VPS13C: variants seen among roughly 807,000 people sequenced by gnomAD.
VPS13C encodes vacuolar protein sorting 13 homolog C.
Under a neutral mutation model 456.8 loss-of-function variants are expected in VPS13C, and 358 were observed. That is an observed-to-expected ratio of 0.78 (90% CI 0.72 to 0.86). VPS13C has a LOEUF of 0.86. VPS13C is among the 40% of genes least tolerant of loss of function. VPS13C has a pLI of 0.00. For missense variants in VPS13C, 4,818 were observed against 4,385.4 expected (o/e 1.10, Z -2.79); for synonymous variants, 1,578 against 1,486.7 (o/e 1.06, Z -1.41).
chr15:61,879,429 T>G (rs1476456992), intron 73 of VPS13C: 2 of 152,086 alleles, frequency 1.3e-5, no homozygotes, highest in East Asian at 1.9e-4. Context: ...AGTTTTTTCT[T>G]TCATGTGACC....
intron 35 of VPS13C, 118 bp from the exon 36 acceptor site, chr15:61,959,713 G>C (rs1400064848): frequency 2.1e-6 from 2 of 974,180 alleles, no homozygotes; most frequent in Admixed American, 5.8e-5. Context: ...AAACAGTGTG[G>C]CTTGAGTATT....
chr15:61,866,408 T>A (rs1011244720), intron 81 of VPS13C: 1 of 983,512 alleles, frequency 1.0e-6, no homozygotes, highest in Admixed American at 6.2e-5. Context: ...AAGGAAAAAA[T>A]TAATAACAGA....
Position 61,917,617 on chromosome 15 carries a change from C to T in VPS13C, c.7779G>A (p.Gln2593=). 6.2e-7 allele frequency: 1 copy of T among 1,610,832 alleles called. No homozygotes were observed. Among genetic ancestry groups the T allele is most frequent in the African/African-American group, 1.3e-5 (1 of 74,986 alleles). ...ACTGATGCTCTAAGATTCCAGCTGG[C>T]TGGATAAACAATTGACATCTGCAGA... The part of the protein sequence containing the change: ...LDSYRCQLFI[Q]PAGILEHQYK... Residue 2593 remains glutamine (Q), a synonymous_variant, in exon 60 of 85, where the codon CAG becomes CAA. Transcript: ENST00000644861.
Position 62,044,241 on chromosome 15 carries a change from C to T in VPS13C, c.115G>A (p.Asp39Asn), listed in dbSNP as rs754108368. The T allele has an allele frequency of 2.0e-6, 3 of 1,478,310 alleles. No homozygotes were observed. Among genetic ancestry groups the T allele is most frequent in the Non-Finnish European group, 2.8e-6 (3 of 1,076,280 alleles). 91.6% of individuals were successfully genotyped at this position (1,478,310 alleles called of 1,614,324 possible). ...GCATTTTCTTTTATCTGTAGATTATCTAAAGCCACATTTCCTTTAAAAAAA... is the reference window on the plus strand; with the variant it reads ...GCATTTTCTTTTATCTGTAGATTATTTAAAGCCACATTTCCTTTAAAAAAA... ...LGIWGGNVAL[D>N]NLQIKENALS... The change falls in exon 2 of 85, where the codon GAT becomes AAT. Residue 39 changes from aspartate to asparagine, a missense_variant. Transcript: ENST00000644861.
At chr15:61,974,520 C>T in intron 24 of VPS13C, 103 bp from the exon 25 acceptor site, 3 of 1,278,238 alleles carry the variant, frequency 2.3e-6, no homozygotes, top group African/African-American at 1.5e-5. Context: ...AAACTTTTGA[C>T]ATGTTTTAAT....
chr15:62,055,254 G>A (rs1382132672), intron 1 of VPS13C, among the ~76,000 whole-genome samples: 1 of 151,600 alleles, frequency 6.6e-6, no homozygotes, highest in Non-Finnish European at 1.5e-5. Flanking sequence ...TGAGACGGGA[G>A]TCTCGCTCTG....
intron 15 of VPS13C, among the ~76,000 whole-genome samples, chr15:62,004,876 A>G (rs1233916749): frequency 5.9e-5 from 9 of 152,256 alleles, no homozygotes; most frequent in East Asian, 3.9e-4. Context: ...TTGCCCTGTG[A>G]TCTGAGAGAT....
Position 61,945,873 on chromosome 15 carries a change from T to C in VPS13C, c.4990A>G (p.Ile1664Val), listed in dbSNP as rs546407133. The change falls in exon 45 of 85, where the codon ATT becomes GTT. Residue 1664 changes from isoleucine to valine, a missense_variant. By Grantham distance (29) the Ile-to-Val change is conservative. Transcript: ENST00000644861. ...AACCTAAAGACTTCATCTCCCAAAA[T>C]AGAGACAGCCTAAAAGTATTAGATT... ...LQSIHKKAVS[I>V]LGDEVFRFQL... 4.4e-5 allele frequency: 70 copies of C among 1,606,454 alleles called. No individual in the cohort carries two copies. In the East Asian group the frequency reaches 1.3e-3, roughly 30 times the overall value.
chr15:62,040,187 AG>A (rs1316602755), intron 3 of VPS13C, among the ~76,000 whole-genome samples: 1 of 152,196 alleles, frequency 6.6e-6, no homozygotes, highest in Non-Finnish European at 1.5e-5. Context: ...GACAGAGAGT[AG>A]AACAATGGTT....
At chr15:61,860,569 A>G (rs1040147784) in intron 82 of VPS13C, among the ~76,000 whole-genome samples, 2 of 152,224 alleles carry the variant, frequency 1.3e-5, no homozygotes, top group Admixed American at 6.5e-5. Context: ...TCCAATAGTG[A>G]GGGAGTATTT....
In VPS13C at chr15:61,867,844, T is replaced by C; in HGVS notation, c.10863+815A>G. On this transcript the variant is annotated intron_variant, in intron 81 of 84. Coordinates refer to ENST00000644861, the MANE Select transcript of VPS13C (RefSeq NM_020821.3). This position sits in a 1 kb window ranked among gnomAD's most constrained non-coding sequence, Gnocchi z 5.0. The stretch of plus-strand genomic sequence containing the variant: ...AAGAAAATTTCATTAAAATTGACAA[T>C]GGAATTCACACACAGTCAATTAACA... The C allele has an allele frequency of 6.4e-7, 1 of 1,560,046 alleles. No individual in the cohort carries two copies. The highest frequency in any genetic ancestry group is 2.0e-5 in the Admixed American group (1 of 49,162).
At chr15:61,909,597 A>G (rs2043244135) in intron 64 of VPS13C, among the ~76,000 whole-genome samples, 1 of 152,242 alleles carries the variant, frequency 6.6e-6, no homozygotes, top group Non-Finnish European at 1.5e-5. Context: ...AGCACCTTCA[A>G]ATAATTACCA....
chr15:62,014,568 T>C (rs919617236), intron 9 of VPS13C, among the ~76,000 whole-genome samples: 1 of 152,140 alleles, frequency 6.6e-6, no homozygotes, highest in Non-Finnish European at 1.5e-5. Flanking sequence ...ATAAGTTAGA[T>C]TGTAATTGCA....
intron 1 of VPS13C, among the ~76,000 whole-genome samples, chr15:62,057,101 C>T (rs932948046): frequency 3.3e-5 from 5 of 152,086 alleles, no homozygotes; most frequent in Admixed American, 6.5e-5. Context: ...ACTCTCTCGT[C>T]GCCGCACACA....
chr15:61,950,665 T>C (rs2044757805), intron 40 of VPS13C, among the ~76,000 whole-genome samples: 1 of 151,772 alleles, frequency 6.6e-6, no homozygotes, highest in African/African-American at 2.4e-5. Context: ...TATATCTAGA[T>C]TAGGTACACT....
intron 18 of VPS13C, 39 bp downstream of exon 18, chr15:61,990,961 C>T: frequency 1.4e-6 from 2 of 1,407,798 alleles, no homozygotes; most frequent in Non-Finnish European, 2.0e-6. Context: ...TAATATAGTA[C>T]AATGAGACAA....
At chr15:62,001,612 G>A (rs2046618860) in intron 15 of VPS13C, among the ~76,000 whole-genome samples, 2 of 152,026 alleles carry the variant, frequency 1.3e-5, no homozygotes, top group African/African-American at 2.4e-5. Flanking sequence ...CTGGTGCGCT[G>A]CACCCACTAA....
At chr15:61,973,579 G>A (rs375657815) in intron 25 of VPS13C, 47 bp from the exon 26 acceptor site, 106 of 1,406,900 alleles carry the variant, frequency 7.5e-5, no homozygotes, top group Admixed American at 6.2e-4. Flanking sequence ...GACTTAGCAG[G>A]ATTAAATGTC....
intron 79 of VPS13C, among the ~76,000 whole-genome samples, chr15:61,870,745 C>T (rs1370703092): frequency 1.3e-5 from 2 of 152,130 alleles, no homozygotes; most frequent in African/African-American, 2.4e-5. Context: ...TTTACAGTCC[C>T]ACTAGTAGTG....
Sources: gnomAD v4.1 joint callset for allele counts (sites outside exome capture counted in the v4.1 genomes callset) on GRCh38, gnomAD v4.1.1 for gene constraint, Gnocchi (gnomAD v3.1) non-coding constraint, MANE v1.5 for transcripts, NCBI Gene and HGNC (gene_info 2026-07-23, HGNC 2026-07-21) for gene names.